POLD3: variants seen among roughly 807,000 people sequenced by gnomAD.
POLD3 encodes DNA polymerase delta 3, accessory subunit.
A neutral mutation model predicts 58.2 loss-of-function variants in POLD3; 19 were observed. The ratio of observed to expected loss-of-function variants is 0.33; its 90% CI spans 0.23 to 0.48. The LOEUF (loss-of-function observed/expected upper bound fraction) is 0.48, where lower values mean the gene tolerates loss of function less well. Among genes scored for constraint, POLD3 ranks in the 20% least tolerant of loss-of-function variants. The pLI is 0.99. For missense variants in POLD3, 504 were observed against 545.5 expected (o/e 0.92, Z 0.76); for synonymous variants, 172 against 193.5 (o/e 0.89, Z 0.92).
Position 74,640,856 on chromosome 11 carries a change from A to G in POLD3, c.*90A>G, listed in dbSNP as rs2032895087. On this transcript the variant is annotated 3_prime_UTR_variant, in exon 12 of 12. Transcript: ENST00000263681. ...TCACTTACTATGTAAGTTCATCTAG[A>G]TCTCCACCTCACCTGTATCAAAAGA... 7.2e-7 allele frequency: 1 copy of G among 1,379,664 alleles called. No homozygotes were observed. Among genetic ancestry groups the G allele is most frequent in the African/African-American group, 1.5e-5 (1 of 67,606 alleles). 85.5% of individuals were successfully genotyped at this position (1,379,664 alleles called of 1,614,324 possible).
At chr11:74,612,516 C>T (rs1017339401) in intron 4 of POLD3, among the ~76,000 whole-genome samples, 3 of 152,106 alleles carry the variant, frequency 2.0e-5, no homozygotes, top group African/African-American at 7.2e-5. Flanking sequence ...AATGAATATT[C>T]TCAGATAGAA....
intron 5 of POLD3, among the ~76,000 whole-genome samples, chr11:74,614,587 A>G (rs950428060): frequency 2.6e-5 from 4 of 152,024 alleles, no homozygotes; most frequent in Non-Finnish European, 5.9e-5. Context: ...GCAGGCACCT[A>G]TAGTCCCAGC....
rs1032691328 is a variant in POLD3, at chr11:74,618,401, G to A, written c.393-136G>A. ...AAAGTCGATTCTAAACAATATTAGA[G>A]TTAAGTATTGTGTGGAAGAAGCAAG... On this transcript the variant is annotated intron_variant, in intron 5 of 11. Transcript: ENST00000263681. The A allele has an allele frequency of 1.1e-5, 7 of 640,796 alleles. No homozygotes were observed. In the African/African-American group the frequency reaches 1.3e-4, roughly 12 times the overall value. 39.7% of individuals were successfully genotyped at this position (640,796 alleles called of 1,614,324 possible).
Position 74,629,222 on chromosome 11 carries a change from A to G in POLD3, c.905A>G (p.Lys302Arg). Residue 302 changes from lysine (K) to arginine (R), a missense_variant, in exon 9 of 12, where the codon AAG becomes AGG. Lys to Arg is a conservative substitution (Grantham distance 26). This residue lies in a region of POLD3 where 385 missense variants were observed against 370.5 expected (regional missense o/e 1.04). Coordinates refer to ENST00000263681, the MANE Select transcript of POLD3 (RefSeq NM_006591.3). ...KVLQKEKKRG[K>R]RVALSDDETK... The stretch of plus-strand genomic sequence containing the variant: ...TTATTTCTGGATGGCAACAGGGGGA[A>G]GCGAGTAGCATTATCTGATGATGAG... The G allele has an allele frequency of 6.3e-7, 1 of 1,585,548 alleles. No homozygotes were observed. Among genetic ancestry groups the G allele is most frequent in the East Asian group, 2.3e-5 (1 of 43,692 alleles).
chr11:74,639,896 T>C (rs1319058221), intron 11 of POLD3, among the ~76,000 whole-genome samples: 2 of 152,212 alleles, frequency 1.3e-5, no homozygotes, highest in East Asian at 3.8e-4. Context: ...TCCGATAGCA[T>C]TTGCTTGAGA....
At chr11:74,617,270 A>G (rs1172007343) in intron 5 of POLD3, among the ~76,000 whole-genome samples, 2 of 152,182 alleles carry the variant, frequency 1.3e-5, no homozygotes, top group African/African-American at 2.4e-5. Context: ...CTGTTCCACC[A>G]ATTTTCTTCT....
intron 3 of POLD3, among the ~76,000 whole-genome samples, chr11:74,610,767 CA>C (rs902516656): frequency 1.3e-5 from 2 of 151,940 alleles, no homozygotes; most frequent in African/African-American, 2.4e-5. Flanking sequence ...TTTTCATGTG[CA>C]TATATGTGTT....
chr11:74,653,140 A>G (rs969247481), intron 4 of POLD3, among the ~76,000 whole-genome samples: 3 of 152,242 alleles, frequency 2.0e-5, no homozygotes, highest in African/African-American at 7.2e-5. Context: ...TTTCATATAT[A>G]TTAGGTTGGT....
Position 74,629,406 on chromosome 11 carries a change from A to G in POLD3, c.1006+83A>G, listed in dbSNP as rs59161747. The G allele has an allele frequency of 4.9e-3, 3,538 of 725,552 alleles. 96 individuals are homozygous for G. In the African/African-American group the frequency reaches 0.059, roughly 12 times the overall value. 44.9% of individuals were successfully genotyped at this position (725,552 alleles called of 1,614,324 possible). Reference sequence around the variant, plus strand: ...GAGCTAAAAAAGTAATGGATTAAGGATCACAATGAGAGTAGTAATTCTAGC... The same window carrying G: ...GAGCTAAAAAAGTAATGGATTAAGGGTCACAATGAGAGTAGTAATTCTAGC... On this transcript the variant is annotated intron_variant, in intron 9 of 11. Coordinates refer to ENST00000263681, the MANE Select transcript of POLD3 (RefSeq NM_006591.3).
intron 4 of POLD3, among the ~76,000 whole-genome samples, chr11:74,652,182 T>TCAATA: frequency 6.6e-6 from 1 of 152,370 alleles, no homozygotes; most frequent in Non-Finnish European, 1.5e-5. Flanking sequence ...AGCTCTCATC[T>TCAATA]GCAAATTGAA....
chr11:74,648,366 C>A (rs185658857), intron 4 of POLD3, among the ~76,000 whole-genome samples: 72 of 152,308 alleles, frequency 4.7e-4, no homozygotes, highest in Admixed American at 2.9e-3. Context: ...TCTAGTCTTT[C>A]TGACTTGAAG....
intron 4 of POLD3, among the ~76,000 whole-genome samples, chr11:74,668,076 G>C (rs2033294212): frequency 6.6e-6 from 1 of 152,196 alleles, no homozygotes; most frequent in Admixed American, 6.5e-5. Context: ...AGAGACAATA[G>C]CAAGTGTTAA....
intron 3 of POLD3, among the ~76,000 whole-genome samples, chr11:74,610,356 A>G (rs567426554): frequency 6.6e-6 from 1 of 151,994 alleles, no homozygotes; most frequent in East Asian, 1.9e-4. Flanking sequence ...GACTACAGGC[A>G]TGCACCACCA....
chr11:74,628,043 G>A (rs1278033816), intron 8 of POLD3, among the ~76,000 whole-genome samples: 1 of 152,108 alleles, frequency 6.6e-6, no homozygotes, highest in Non-Finnish European at 1.5e-5. Context: ...TTTAACTAGA[G>A]CTGTTCAAAT....
At chr11:74,623,845 A>T (rs1348679166) in intron 7 of POLD3, among the ~76,000 whole-genome samples, 1 of 152,266 alleles carries the variant, frequency 6.6e-6, no homozygotes, top group African/African-American at 2.4e-5. Context: ...ACAATGTTGC[A>T]TTAAACTACC....
intron 2 of POLD3, among the ~76,000 whole-genome samples, chr11:74,594,554 A>G (rs1017864394): frequency 3.9e-5 from 6 of 152,202 alleles, no homozygotes; most frequent in Admixed American, 3.3e-4. Flanking sequence ...GGTTATTTCC[A>G]TATTTTGACT....
At chr11:74,629,818 C>T (rs2032540152) in intron 9 of POLD3, among the ~76,000 whole-genome samples, 1 of 151,860 alleles carries the variant, frequency 6.6e-6, no homozygotes, top group Non-Finnish European at 1.5e-5. Context: ...CTCATAAGGG[C>T]AAGAGTTTTA....
chr11:74,669,052 T>C (rs905298920), exon 5 of POLD3: 8 of 326,864 alleles, frequency 2.4e-5, no homozygotes, highest in Admixed American at 4.4e-5. Flanking sequence ...GATGGGTGTG[T>C]GGTGCAGGGA....
intron 8 of POLD3, among the ~76,000 whole-genome samples, chr11:74,628,023 G>A (rs1012194338): frequency 7.2e-5 from 11 of 152,124 alleles, no homozygotes; most frequent in African/African-American, 2.2e-4. Flanking sequence ...GGTTTTTATT[G>A]TGAATTTGAT....
Sources: allele counts gnomAD v4.1 joint callset (sites outside exome capture counted in the v4.1 genomes callset), GRCh38; gene constraint gnomAD v4.1.1; regional missense constraint gnomAD v4.1.1; transcripts MANE v1.5; gene names NCBI Gene and HGNC (gene_info 2026-07-23, HGNC 2026-07-21).